Variants in ENPP1 observed in about 807,000 individuals in gnomAD.
ENPP1 encodes ectonucleotide pyrophosphatase/phosphodiesterase 1.
A neutral mutation model predicts 122.8 loss-of-function variants in ENPP1; 73 were observed. That is an observed-to-expected ratio of 0.59 (90% CI 0.49 to 0.72). The LOEUF (loss-of-function observed/expected upper bound fraction) is 0.72, where lower values mean the gene tolerates loss of function less well. Ranked by LOEUF, ENPP1 falls within the 30% of genes least tolerant of loss-of-function variation. The pLI is 0.00. For missense variants in ENPP1, 978 were observed against 1,128.1 expected, an observed-to-expected ratio of 0.87 and a Z score of 1.91; for synonymous variants, 367 against 391.6, an observed-to-expected ratio of 0.94 and a Z score of 0.74.
intron 1 of ENPP1, among the ~76,000 whole-genome samples, chr6:131,824,218 G>A (rs981613010): frequency 1.3e-5 from 2 of 152,054 alleles, no homozygotes; most frequent in Non-Finnish European, 2.9e-5. Flanking sequence ...TAGCGAGGGG[G>A]AATTAGCCTT....
In ENPP1 at chr6:131,811,362, C is replaced by CTA. The variant is rs200558743; in HGVS notation, c.240+3091_240+3092dup. 5.4e-4 allele frequency among the ~76,000 whole-genome samples: 73 copies of CTA among 134,208 alleles called. 1 individual carries two copies. The highest frequency in any genetic ancestry group is 4.1e-3 in the Middle Eastern group (1 of 244). 88.0% of individuals were successfully genotyped at this position (134,208 alleles called of 152,430 possible). On this transcript the variant is annotated intron_variant, in intron 1 of 24. Coordinates refer to ENST00000647893, the MANE Select transcript of ENPP1 (RefSeq NM_006208.3). Reference sequence around the variant, plus strand: ...AAGAGTTCTTTAAAAAAACATATATCTATATCTATATCTATATATCTATAT... The same window carrying CTA: ...AAGAGTTCTTTAAAAAAACATATATCTATATATCTATATCTATATATCTATAT...
chr6:131,840,468 G>A (rs1781726243), intron 1 of ENPP1, among the ~76,000 whole-genome samples: 1 of 152,212 alleles, frequency 6.6e-6, no homozygotes, highest in Non-Finnish European at 1.5e-5. Context: ...GGAAGAATCC[G>A]TAGTGGGCCC....
At chr6:131,878,410 A>G (rs1490654793) in intron 18 of ENPP1, 132 bp from the exon 19 acceptor site, 1 of 709,824 alleles carries the variant, frequency 1.4e-6, no homozygotes, top group Admixed American at 2.0e-5. Context: ...AGAGAAAAAA[A>G]AATCCACTAA....
chr6:131,840,471 G>C (rs1238149368), intron 1 of ENPP1, among the ~76,000 whole-genome samples: 2 of 152,220 alleles, frequency 1.3e-5, no homozygotes, highest in East Asian at 3.8e-4. Context: ...AGAATCCGTA[G>C]TGGGCCCAGT....
chr6:131,836,239 A>G (rs1781672621), intron 1 of ENPP1, among the ~76,000 whole-genome samples: 1 of 151,736 alleles, frequency 6.6e-6, no homozygotes, highest in Non-Finnish European at 1.5e-5. Context: ...CAGCCTCCCT[A>G]GTAGCTGGGA....
At chr6:131,878,733 A>T in intron 19 of ENPP1, 140 bp downstream of exon 19, 1 of 719,048 alleles carries the variant, frequency 1.4e-6, no homozygotes, top group South Asian at 1.5e-5. Flanking sequence ...ACCTGATGAA[A>T]CATAGAGGTT....
chr6:131,881,800 CCT>C (rs1170273221), intron 20 of ENPP1, among the ~76,000 whole-genome samples: 1 of 151,918 alleles, frequency 6.6e-6, no homozygotes, highest in Non-Finnish European at 1.5e-5. Flanking sequence ...GGATGGATCA[CCT>C]GAGGTCAGGA....
chr6:131,877,866 A>AAAAAAAATATATAT (rs1562183349), intron 18 of ENPP1: 2 of 53,026 alleles, frequency 3.8e-5, no homozygotes, highest in East Asian at 5.8e-4. Context: ...AAAAAAAAAA[A>AAAAAAAATATATAT]ATATATATAT....
In ENPP1 at chr6:131,893,223, A is replaced by G. The variant is rs553110757; in HGVS notation, c.*2712A>G. The stretch of plus-strand genomic sequence containing the variant: ...ATCTTAGCAGAGCTTAATTAAATGG[A>G]TAGATGTCTGTTCCCTTTGCTGGAC... On this transcript the variant is annotated 3_prime_UTR_variant, in exon 25 of 25. Coordinates refer to ENST00000647893, the MANE Select transcript of ENPP1 (RefSeq NM_006208.3). The G allele has an allele frequency of 1.4e-4, 22 of 152,376 alleles. No individual in the cohort carries two copies. The highest frequency in any genetic ancestry group is 5.0e-4 in the African/African-American group (21 of 41,588). 9.4% of individuals were successfully genotyped at this position (152,376 alleles called of 1,614,324 possible).
chr6:131,817,397 A>G (rs1781427865), intron 1 of ENPP1, among the ~76,000 whole-genome samples: 1 of 152,156 alleles, frequency 6.6e-6, no homozygotes, highest in African/African-American at 2.4e-5. Flanking sequence ...TTGGTAGTTC[A>G]GTGATGAGAT....
chr6:131,889,575 A>G (rs917012025), intron 24 of ENPP1, among the ~76,000 whole-genome samples: 2 of 152,204 alleles, frequency 1.3e-5, no homozygotes, highest in African/African-American at 2.4e-5. Context: ...TTATGGCTGC[A>G]TAGTATTCCA....
intron 1 of ENPP1, among the ~76,000 whole-genome samples, chr6:131,817,719 ATCTC>A (rs1469354315): frequency 7.8e-6 from 1 of 128,764 alleles, no homozygotes; most frequent in Non-Finnish European, 1.7e-5. Context: ...CTCTCTCTCA[ATCTC>A]TCTCTGTCTC....
At chr6:131,827,622 T>C (rs974275981) in intron 1 of ENPP1, 3 of 598,276 alleles carry the variant, frequency 5.0e-6, no homozygotes, top group Non-Finnish European at 9.3e-6. Flanking sequence ...ACAAAATGAC[T>C]TTGACTATTA....
At chr6:131,814,678 G>A (rs1781394469) in intron 1 of ENPP1, among the ~76,000 whole-genome samples, 1 of 152,162 alleles carries the variant, frequency 6.6e-6, no homozygotes, top group Non-Finnish European at 1.5e-5. Context: ...ATCAGACTTG[G>A]AGTTGACATT....
At chr6:131,884,682 G>A (rs1461156331) in intron 22 of ENPP1, among the ~76,000 whole-genome samples, 1 of 152,154 alleles carries the variant, frequency 6.6e-6, no homozygotes, top group Non-Finnish European at 1.5e-5. Flanking sequence ...GACTGAGGCA[G>A]GAGCATCTCT....
chr6:131,851,846 T>C (rs1047495611), intron 4 of ENPP1, among the ~76,000 whole-genome samples: 1 of 152,278 alleles, frequency 6.6e-6, no homozygotes, highest in Non-Finnish European at 1.5e-5. Context: ...AGGATTTTGA[T>C]GAGTGGATAG....
intron 1 of ENPP1, among the ~76,000 whole-genome samples, chr6:131,832,371 G>A (rs1392859156): frequency 6.6e-6 from 1 of 152,140 alleles, no homozygotes; most frequent in East Asian, 1.9e-4. Context: ...TTAGTTTTCA[G>A]ACATCTCCCT....
rs1160132256 is a variant in ENPP1 at position 131,831,778 on chromosome 6, T to A, written c.241-15998T>A. Among the ~76,000 whole-genome samples, 2 of 152,234 alleles carry A rather than the reference T, an allele frequency of 1.3e-5. 1 individual carries two copies. Among genetic ancestry groups the A allele is most frequent in the South Asian group, 4.1e-4 (2 of 4,830 alleles). On this transcript the variant is annotated intron_variant, in intron 1 of 24. Coordinates refer to ENST00000647893, the MANE Select transcript of ENPP1 (RefSeq NM_006208.3). ...TGTCATTGATGATGTTAACCTTGAC[T>A]ACCCGGCTGAGGTAGTCTTTTTCAG...
rs1341965860 is a variant in ENPP1 at position 131,890,661 on chromosome 6, G to GT, written c.*151dup. The GT allele has an allele frequency of 1.1e-5, 8 of 702,718 alleles. No individual in the cohort carries two copies. The East Asian group carries it at 2.1e-4, about 19-fold the overall frequency. 43.5% of individuals were successfully genotyped at this position (702,718 alleles called of 1,614,324 possible). A position where few individuals can be genotyped will look rare whatever the true frequency, so the allele number is the denominator to read the frequency against. ...ATGCGGACATCTCAGGGAAACTTGC[G>GT]TACTCAGCACAGCAGTGGAGAGTGT... On this transcript the variant is annotated 3_prime_UTR_variant, in exon 25 of 25. Transcript: ENST00000647893.
Sources: gnomAD v4.1 joint callset for allele counts (sites outside exome capture counted in the v4.1 genomes callset) on GRCh38, gnomAD v4.1.1 for gene constraint, MANE v1.5 for transcripts, NCBI Gene and HGNC (gene_info 2026-07-23, HGNC 2026-07-21) for gene names.